Variants in SHISA9 observed in about 807,000 individuals in gnomAD.
SHISA9 encodes the protein protein shisa-9.
In SHISA9, 13 loss-of-function variants were observed where a neutral mutation model predicts 38.0. That is an observed-to-expected ratio of 0.34 (90% CI 0.22 to 0.54). The LOEUF is 0.54. Among genes scored for constraint, SHISA9 ranks in the 20% least tolerant of loss-of-function variants. SHISA9 has a pLI of 0.91. For missense variants in SHISA9, 538 were observed against 575.8 expected (o/e 0.93, Z 0.67); for synonymous variants, 275 against 242.0 (o/e 1.14, Z -1.27).
At chr16:13,188,227 A>C (rs1200684963) in intron 2 of SHISA9, among the ~76,000 whole-genome samples, 1 of 152,240 alleles carries the variant, frequency 6.6e-6, no homozygotes, top group African/African-American at 2.4e-5. Context: ...CAGTCCATGA[A>C]AGCTCATGCA....
At chr16:13,369,019 G>A in the SHISA9 span, among the ~76,000 whole-genome samples, 1 of 152,124 alleles carries the variant, frequency 6.6e-6, no homozygotes, top group Non-Finnish European at 1.5e-5. Flanking sequence ...AAAGGTACTA[G>A]AATGGATAGT....
At chr16:13,396,322 C>T in the SHISA9 span, among the ~76,000 whole-genome samples, 3 of 152,318 alleles carry the variant, frequency 2.0e-5, no homozygotes, top group South Asian at 4.1e-4. Flanking sequence ...GCCTGGCCAA[C>T]ATGGCGAAAC....
intron 2 of SHISA9, among the ~76,000 whole-genome samples, chr16:12,999,435 T>A (rs1263749772): frequency 6.6e-6 from 1 of 152,196 alleles, no homozygotes; most frequent in African/African-American, 2.4e-5. Context: ...TGAAAACACA[T>A]GAGTATTGAT....
chr16:13,020,349 C>G (rs1181052354), intron 2 of SHISA9, among the ~76,000 whole-genome samples: 1 of 151,992 alleles, frequency 6.6e-6, no homozygotes, highest in East Asian at 1.9e-4. Context: ...TCTTGATTCT[C>G]TTGCATCCTC....
intron 2 of SHISA9, among the ~76,000 whole-genome samples, chr16:13,178,677 C>T (rs1596705970): frequency 6.6e-6 from 1 of 152,196 alleles, no homozygotes; most frequent in Admixed American, 6.5e-5. Context: ...GAATGTGAAA[C>T]AGAGAAGCCA....
the SHISA9 span, among the ~76,000 whole-genome samples, chr16:13,391,501 A>C: frequency 0.035 from 5,287 of 152,270 alleles, 196 homozygotes; most frequent in East Asian, 0.2. Flanking sequence ...TCCCCAACGA[A>C]TCTATGCCGT....
At chr16:13,147,461 CTTTTTTTT>C (rs55972023) in intron 2 of SHISA9, among the ~76,000 whole-genome samples, 1 of 65,074 alleles carries the variant, frequency 1.5e-5, no homozygotes, top group Admixed American at 2.2e-4. Flanking sequence ...GTAAACTGAG[CTTTTTTTT>C]TTTTTTTTTT....
chr16:13,556,785 CAAT>C, the SHISA9 span, among the ~76,000 whole-genome samples: 3 of 151,914 alleles, frequency 2.0e-5, no homozygotes, highest in Non-Finnish European at 2.9e-5. Flanking sequence ...AAAATAAAAA[CAAT>C]AATATAACAA....
At chr16:13,501,600 G>A in the SHISA9 span, among the ~76,000 whole-genome samples, 809 of 152,108 alleles carry the variant, frequency 5.3e-3, 8 homozygotes, top group African/African-American at 0.018. Context: ...TTTCATGGCC[G>A]GCCACACATC....
the SHISA9 span, among the ~76,000 whole-genome samples, chr16:13,360,975 C>T: frequency 2.0e-5 from 3 of 152,214 alleles, no homozygotes; most frequent in African/African-American, 7.2e-5. Flanking sequence ...CTCTACTCCT[C>T]ATTCCAACTT....
chr16:13,443,410 T>C, the SHISA9 span, among the ~76,000 whole-genome samples: 24 of 152,216 alleles, frequency 1.6e-4, no homozygotes, highest in African/African-American at 5.5e-4. Context: ...TGGGAAATAC[T>C]TGTCCATTTT....
the SHISA9 span, among the ~76,000 whole-genome samples, chr16:13,461,728 C>T: frequency 1.3e-5 from 2 of 149,928 alleles, no homozygotes; most frequent in Non-Finnish European, 3.0e-5. Context: ...ATTCTCCTGC[C>T]TCAGCCTCTC....
intron 2 of SHISA9, among the ~76,000 whole-genome samples, chr16:13,131,310 A>C (rs895434608): frequency 6.6e-6 from 1 of 152,194 alleles, no homozygotes; most frequent in African/African-American, 2.4e-5. Context: ...CGTGTCCTTT[A>C]CAGGGACATG....
chr16:12,981,675 C>T (rs117498147), intron 2 of SHISA9, among the ~76,000 whole-genome samples: 5,414 of 152,250 alleles, frequency 0.036, 143 homozygotes, highest in Non-Finnish European at 0.056. Flanking sequence ...TTCTTGCCCA[C>T]AATTCATATG....
the SHISA9 span, among the ~76,000 whole-genome samples, chr16:13,490,994 A>C: frequency 6.6e-6 from 1 of 152,304 alleles, no homozygotes; most frequent in Admixed American, 6.5e-5. Flanking sequence ...ATGTATATTG[A>C]AGTTCAGGTT....
chr16:13,477,465 G>A, the SHISA9 span, among the ~76,000 whole-genome samples: 1 of 152,214 alleles, frequency 6.6e-6, no homozygotes, highest in Non-Finnish European at 1.5e-5. Flanking sequence ...AACATGGCAA[G>A]TGCAGGGAAC....
In SHISA9 at chr16:13,235,379, C is replaced by T. The variant is rs553427273; in HGVS notation, c.1245C>T (p.Ile415=). The change falls in exon 5 of 5, where the codon ATC becomes ATT. Residue 415 remains isoleucine (I), a synonymous_variant. Transcript: ENST00000558583. ...QHYPPPQPYF[I]TNSKTEVTV is the part of the protein sequence containing the mutation. ...ACCCACCCCCACAGCCATACTTCAT[C>T]ACCAACAGCAAAACAGAAGTGACTG... 5 of 1,539,408 alleles carry T rather than the reference C, an allele frequency of 3.2e-6. No individual in the cohort carries two copies. In the South Asian group the frequency reaches 4.8e-5, roughly 15 times the overall value.
At chr16:13,529,699 C>G in the SHISA9 span, among the ~76,000 whole-genome samples, 6 of 152,184 alleles carry the variant, frequency 3.9e-5, no homozygotes, top group African/African-American at 1.4e-4. Context: ...CAGTTTCCTT[C>G]TTTGTTAAAC....
intron 2 of SHISA9, among the ~76,000 whole-genome samples, chr16:13,196,135 C>G (rs1357020756): frequency 7.2e-6 from 1 of 139,168 alleles, no homozygotes; most frequent in African/African-American, 2.7e-5. Context: ...TGGTGGCTCA[C>G]GCCTGTAATC....
Sources: gnomAD v4.1 joint callset for allele counts (sites outside exome capture counted in the v4.1 genomes callset) on GRCh38, gnomAD v4.1.1 for gene constraint, MANE v1.5 for transcripts, NCBI Gene and HGNC (gene_info 2026-07-23, HGNC 2026-07-21) for gene names.